The following ZFHX3 variants were observed in gnomAD, a reference collection of about 807,000 sequenced individuals.
The protein encoded by ZFHX3 is zinc finger homeobox 3.
Under a neutral mutation model 279.1 loss-of-function variants are expected in ZFHX3, and 42 were observed. That is an observed-to-expected ratio of 0.15 (90% confidence interval 0.12 to 0.19). ZFHX3 has a LOEUF of 0.19. Ranked by LOEUF, ZFHX3 falls within the 10% of genes least tolerant of loss-of-function variation. The probability of loss-of-function intolerance (pLI) is 1.00; values close to 1 mark genes in which losing one functional copy is unlikely to be tolerated. For missense variants in ZFHX3, 4,981 were observed against 4,754.0 expected (o/e 1.05, Z -1.40); for synonymous variants, 2,293 against 1,957.8 (o/e 1.17, Z -4.52).
intron 7 of ZFHX3, among the ~76,000 whole-genome samples, chr16:73,117,785 T>C (rs2216667): frequency 0.021 from 3,187 of 152,196 alleles, 51 homozygotes; most frequent in Non-Finnish European, 0.033. Flanking sequence ...CCCTCACAAA[T>C]AGGATTAGTG....
intron 1 of ZFHX3, among the ~76,000 whole-genome samples, chr16:73,713,642 T>A (rs2729615): frequency 0.79 from 118,845 of 150,482 alleles, 48,922 homozygotes; most frequent in Middle Eastern, 0.9. Flanking sequence ...TTTTTTTTTT[T>A]TATACTCTAG....
chr16:73,142,505 C>T (rs543860567), intron 6 of ZFHX3, among the ~76,000 whole-genome samples: 1 of 152,154 alleles, frequency 6.6e-6, no homozygotes, highest in African/African-American at 2.4e-5. Flanking sequence ...CTGTTTCTCC[C>T]CCCATCGGCA....
intron 2 of ZFHX3, among the ~76,000 whole-genome samples, chr16:73,490,389 A>G (rs1159643759): frequency 1.3e-5 from 2 of 152,176 alleles, no homozygotes; most frequent in African/African-American, 4.8e-5. Flanking sequence ...ATATTCTCTC[A>G]TTGTTCATGC....
chr16:73,300,410 C>T (rs1316842313), intron 4 of ZFHX3, among the ~76,000 whole-genome samples: 1 of 152,082 alleles, frequency 6.6e-6, no homozygotes, highest in Non-Finnish European at 1.5e-5. Context: ...ACCTAGAGGA[C>T]ACTGAGGCAT....
chr16:73,594,369 T>C lies in ZFHX3; in HGVS notation c.-1547+85811A>G, dbSNP rs75047424. 7.5e-3 allele frequency among the ~76,000 whole-genome samples: 1,136 copies of C among 152,200 alleles called. 21 individuals carry two copies. Among genetic ancestry groups the C allele is most frequent in the African/African-American group, 0.026 (1,087 of 41,542 alleles). On this transcript the variant is annotated intron_variant, in intron 2 of 17. Coordinates refer to the ZFHX3 transcript ENST00000641206. ...AATGGGAAGGCTCAATAGATAAAAA[T>C]ACAAAAATAAAAATAAATCAATTAC...
chr16:73,281,224 A>G (rs1186884334), intron 4 of ZFHX3, among the ~76,000 whole-genome samples: 2 of 152,176 alleles, frequency 1.3e-5, no homozygotes, highest in African/African-American at 4.8e-5. Context: ...TATGAAAACA[A>G]TCATAAATGT....
chr16:73,224,917 T>G (rs2012545580), intron 5 of ZFHX3, among the ~76,000 whole-genome samples: 1 of 152,102 alleles, frequency 6.6e-6, no homozygotes, highest in Non-Finnish European at 1.5e-5. Flanking sequence ...TCTTAAAGCT[T>G]AAGCTGGTTT....
At chr16:73,747,512 G>C (rs1283071997) in intron 1 of ZFHX3, among the ~76,000 whole-genome samples, 1 of 152,132 alleles carries the variant, frequency 6.6e-6, no homozygotes, top group Non-Finnish European at 1.5e-5. Flanking sequence ...TCCAAGATTT[G>C]TTTGTTTCTG....
chr16:72,892,508 TG>T (rs933885163), intron 3 of ZFHX3, among the ~76,000 whole-genome samples: 6 of 145,688 alleles, frequency 4.1e-5, no homozygotes, highest in East Asian at 4.1e-4. Context: ...TTTTATTTAT[TG>T]GTTTTTTTTT....
rs182159531 is a variant in ZFHX3 at position 73,282,571 on chromosome 16, C to T, written c.-1193-25435G>A. Among the ~76,000 whole-genome samples the T allele has an allele frequency of 2.0e-3, 298 of 152,190 alleles. 2 individuals carry two copies. Among genetic ancestry groups the T allele is most frequent in the African/African-American group, 6.8e-3 (283 of 41,544 alleles). ...ATTACATTGTCTCTTGTTGCTTTGT[C>T]TTTTGTTTTCTGCACTCACTACGAT... On this transcript the variant is annotated intron_variant, in intron 4 of 17. Transcript: ENST00000641206.
chr16:73,627,356 T>C (rs1302533205), intron 2 of ZFHX3, among the ~76,000 whole-genome samples: 1 of 152,182 alleles, frequency 6.6e-6, no homozygotes, highest in Admixed American at 6.5e-5. Flanking sequence ...CCGGGCCAGA[T>C]AGGATCAGAT....
chr16:73,730,380 A>AAAG (rs1306648811), intron 1 of ZFHX3, among the ~76,000 whole-genome samples: 2,030 of 119,448 alleles, frequency 0.017, 152 homozygotes, highest in Non-Finnish European at 0.022. Flanking sequence ...AAAAAAGAAA[A>AAAG]AGAGAGAGAA....
chr16:73,588,829 G>A (rs1184438492), intron 2 of ZFHX3, among the ~76,000 whole-genome samples: 3 of 151,950 alleles, frequency 2.0e-5, no homozygotes, highest in African/African-American at 4.8e-5. Flanking sequence ...TTTAACAAAT[G>A]AACTTCTGGG....
At chr16:73,752,112 T>C (rs1222583730) in intron 1 of ZFHX3, among the ~76,000 whole-genome samples, 2 of 152,090 alleles carry the variant, frequency 1.3e-5, no homozygotes, top group African/African-American at 4.8e-5. Context: ...GAAACAAAGA[T>C]GAGCTGATCC....
At chr16:72,821,434 A>G (rs997416367) in intron 5 of ZFHX3, among the ~76,000 whole-genome samples, 7 of 152,182 alleles carry the variant, frequency 4.6e-5, no homozygotes, top group Non-Finnish European at 7.3e-5. Flanking sequence ...TTCCGTCTCC[A>G]TTGAGTTCCC....
Position 72,787,891 on chromosome 16 carries a change from T to A in ZFHX3, c.10385A>T (p.Gln3462Leu). ...GCACTTGCGGCAGACCAACTTGTAC[T>A]GCACCTTTGGAACAATGAAGGGGTC... ...LYDPFIVPKV[Q>L]YKLVCRKCQA... The change falls in exon 10 of 10, where the codon CAG (glutamine) becomes CTG (leucine). Residue 3462 changes from glutamine to leucine, a missense_variant. Coordinates refer to ENST00000268489, the MANE Select transcript of ZFHX3 (RefSeq NM_006885.4). The A allele has an allele frequency of 6.2e-7, 1 of 1,614,050 alleles. No homozygotes were observed. Among genetic ancestry groups the A allele is most frequent in the Non-Finnish European group, 8.5e-7 (1 of 1,180,004 alleles).
At chr16:73,431,849 T>A (rs2017917210) in intron 3 of ZFHX3, among the ~76,000 whole-genome samples, 2 of 151,962 alleles carry the variant, frequency 1.3e-5, no homozygotes, top group South Asian at 4.2e-4. Context: ...CAAGCTGGGG[T>A]CTCCCAGTAG....
chr16:73,297,537 G>C (rs1306977930), intron 4 of ZFHX3, among the ~76,000 whole-genome samples: 1 of 152,000 alleles, frequency 6.6e-6, no homozygotes, highest in Admixed American at 6.5e-5. Flanking sequence ...GTAAATGTAG[G>C]ATAAACTATT....
At position 73,532,112 on chromosome 16, in the gene ZFHX3, A is replaced by G. The variant is rs191492531; in HGVS notation, c.-1546-75854T>C. ...CTAAAAAAGATTAAAAAAAAAAACA[A>G]AGACAGAATATTGTTATCTTAGTAG... On this transcript the variant is annotated intron_variant, in intron 2 of 17. Coordinates refer to the ZFHX3 transcript ENST00000641206. 2.3e-3 allele frequency among the ~76,000 whole-genome samples: 343 copies of G among 152,172 alleles called. 2 individuals carry two copies. The highest frequency in any genetic ancestry group is 8.0e-3 in the African/African-American group (332 of 41,528).
Sources: gnomAD v4.1 joint callset for allele counts (sites outside exome capture counted in the v4.1 genomes callset) on GRCh38, gnomAD v4.1.1 for gene constraint, MANE v1.5 for transcripts, NCBI Gene and HGNC (gene_info 2026-07-23, HGNC 2026-07-21) for gene names.